Variants in ATAD3A observed in about 807,000 individuals in gnomAD.
ATAD3A encodes the protein ATPase family AAA domain containing 3A, also known as ATPase family AAA domain-containing protein 3A.
ATAD3A carries 46 observed loss-of-function variants against 73.8 expected under a neutral mutation model. That is an observed-to-expected ratio of 0.62 (90% confidence interval 0.49 to 0.80). ATAD3A has a LOEUF of 0.80. ATAD3A is among the 30% of genes least tolerant of loss of function. The pLI is 0.00. For missense variants in ATAD3A, 705 were observed against 838.0 expected, an observed-to-expected ratio of 0.84 and a Z score of 1.96; for synonymous variants, 319 against 350.0, an observed-to-expected ratio of 0.91 and a Z score of 0.99.
At position 1,520,700 on chromosome 1, in the gene ATAD3A, GC is replaced by G. The variant is rs1489621079; in HGVS notation, c.750+85del. On this transcript the variant is annotated intron_variant, in intron 7 of 15. Transcript: ENST00000378756. This position sits in a 1 kb window ranked among gnomAD's most constrained non-coding sequence, Gnocchi z 4.0. ...TCCTGGAGCCCCAGGTCCTGTCCCT[GC>G]CGGCTCTGCACAGCCCTGTAGCTCT... is the stretch of plus-strand genomic sequence containing the variant. 107 of 1,605,496 alleles carry G rather than the reference GC, an allele frequency of 6.7e-5. 1 individual carries two copies. The highest frequency in any genetic ancestry group is 1.8e-4 in the Middle Eastern group (1 of 5,448).
At chr1:1,533,080 G>A (rs1478116433) in intron 15 of ATAD3A, among the ~76,000 whole-genome samples, 1 of 152,230 alleles carries the variant, frequency 6.6e-6, no homozygotes. Flanking sequence ...CGACGGTGTT[G>A]TGGGAGGATG....
At chr1:1,530,516 A>G (rs1346296716) in intron 15 of ATAD3A, among the ~76,000 whole-genome samples, 1 of 150,402 alleles carries the variant, frequency 6.6e-6, no homozygotes, top group African/African-American at 2.5e-5. Context: ...TGGATTACAG[A>G]GCAAGACCCT....
In ATAD3A at chr1:1,520,960, G is replaced by A. The variant is rs1332279793; in HGVS notation, c.750+343G>A. ...GTTGCAGCTGCACTGAGCTGAGATCGCAGCACTGCACTCCATCCTGGGCGA... is the reference window on the plus strand; with the variant it reads ...GTTGCAGCTGCACTGAGCTGAGATCACAGCACTGCACTCCATCCTGGGCGA... On this transcript the variant is annotated intron_variant, in intron 7 of 15. Coordinates refer to ENST00000378756, the MANE Select transcript of ATAD3A (RefSeq NM_001170535.3). The surrounding 1 kb of genome is among the most constrained non-coding windows in gnomAD (Gnocchi z 4.0). Among the ~76,000 whole-genome samples, 8 of 151,988 alleles carry A rather than the reference G, an allele frequency of 5.3e-5. No individual in the cohort carries two copies. Among genetic ancestry groups the A allele is most frequent in the Admixed American group, 4.6e-4 (7 of 15,246 alleles).
intron 4 of ATAD3A, among the ~76,000 whole-genome samples, chr1:1,518,031 GCA>G (rs894870018): frequency 7.3e-5 from 11 of 151,610 alleles, no homozygotes; most frequent in South Asian, 6.3e-4. Context: ...CACACTCCCA[GCA>G]CACACAGACA....
Position 1,517,075 on chromosome 1 carries a change from C to A in ATAD3A, c.283-236C>A. The A allele has an allele frequency of 2.6e-6, 4 of 1,511,596 alleles. No individual in the cohort carries two copies. The Admixed American group carries it at 8.2e-5, about 31-fold the overall frequency. The allele number at this position is 1,511,596 out of a possible 1,614,324, so 93.6% of individuals were successfully genotyped here. On this transcript the variant is annotated intron_variant, in intron 2 of 15. Transcript: ENST00000378756. Reference sequence around the variant, plus strand: ...CTCAGTGCAGTCCAAAAGGGGGTGTCCGGCCTCCCTCCCGGGGGGCCTTCG... The same window carrying A: ...CTCAGTGCAGTCCAAAAGGGGGTGTACGGCCTCCCTCCCGGGGGGCCTTCG...
chr1:1,515,631 T>A (rs1641330243), intron 1 of ATAD3A, among the ~76,000 whole-genome samples: 1 of 152,196 alleles, frequency 6.6e-6, no homozygotes, highest in African/African-American at 2.4e-5. Context: ...ATGTGCTTGA[T>A]AGCAGATCAA....
At chr1:1,514,554 A>G (rs79468515) in intron 1 of ATAD3A, among the ~76,000 whole-genome samples, 6,139 of 136,110 alleles carry the variant, frequency 0.045, no homozygotes, top group East Asian at 0.22. Flanking sequence ...GAAATCTGAC[A>G]CTGATGCCCG....
intron 5 of ATAD3A, among the ~76,000 whole-genome samples, chr1:1,519,827 G>A (rs1017103380): frequency 6.6e-6 from 1 of 152,156 alleles, no homozygotes; most frequent in African/African-American, 2.4e-5. Flanking sequence ...TCGGATTTCT[G>A]CCCTAATCCA....
intron 8 of ATAD3A, 37 bp downstream of exon 8, chr1:1,522,936 C>T (rs942848939): frequency 6.3e-7 from 1 of 1,598,942 alleles, no homozygotes; most frequent in African/African-American, 1.4e-5. Context: ...GAGTGCAGTT[C>T]CTGGCTGAGT....
At chr1:1,533,398 A>ATGTG (rs1642101678) in intron 15 of ATAD3A, among the ~76,000 whole-genome samples, 1 of 152,224 alleles carries the variant, frequency 6.6e-6, no homozygotes, top group African/African-American at 2.4e-5. Flanking sequence ...CCACAGCCCC[A>ATGTG]GCAGCTCCAG....
Position 1,534,410 on chromosome 1 carries a change from G to T in ATAD3A, c.*338G>T, listed in dbSNP as rs939743524. On this transcript the variant is annotated 3_prime_UTR_variant, in exon 16 of 16. Coordinates refer to ENST00000378756, the MANE Select transcript of ATAD3A (RefSeq NM_001170535.3). Reference sequence around the variant, plus strand: ...GGGTGGGTGCTGGCTGAGCCCCCGGGGCAGCAGGAGCCAGGCAGGTGATGT... The same window carrying T: ...GGGTGGGTGCTGGCTGAGCCCCCGGTGCAGCAGGAGCCAGGCAGGTGATGT... 2.7e-5 allele frequency: 35 copies of T among 1,303,872 alleles called. No individual in the cohort carries two copies. The highest frequency in any genetic ancestry group is 3.5e-5 in the Admixed American group (1 of 28,632). 80.8% of individuals were successfully genotyped at this position (1,303,872 alleles called of 1,614,324 possible).
intron 4 of ATAD3A, among the ~76,000 whole-genome samples, chr1:1,518,621 ACCCCCCCC>A (rs148694040): frequency 2.6e-5 from 1 of 38,096 alleles, no homozygotes; most frequent in African/African-American, 1.9e-4. Flanking sequence ...GGGCGTACAC[ACCCCCCCC>A]CACAGGCACG....
chr1:1,527,161 C>G (rs1428201181), intron 13 of ATAD3A: 1 of 1,302,416 alleles, frequency 7.7e-7, no homozygotes, highest in East Asian at 5.6e-5. Flanking sequence ...GCCCCTCCAG[C>G]CCCAGTCACG....
chr1:1,527,226 G>T, intron 13 of ATAD3A: 1 of 1,300,612 alleles, frequency 7.7e-7, no homozygotes. Flanking sequence ...CCTCAGGCAC[G>T]TTGGGCTCCC....
chr1:1,524,395 C>G lies in ATAD3A; in HGVS notation c.1212C>G (p.Arg404=). 1 of 1,602,356 alleles carries G rather than the reference C, an allele frequency of 6.2e-7. No homozygotes were observed. The highest frequency in any genetic ancestry group is 2.3e-5 in the East Asian group (1 of 44,408). ...TTGACTGGGCCAATACCAGCCGGCG[C>G]GGGTGAGACGTCCCCACAGCATGCA... ...KLFDWANTSR[R]GLLLFVDEAD... is the part of the protein sequence containing the mutation. Residue 404 remains arginine, a splice_region_variant and synonymous_variant, in exon 11 of 16, where the codon CGC becomes CGG. Coordinates refer to ENST00000378756, the MANE Select transcript of ATAD3A (RefSeq NM_001170535.3).
chr1:1,533,209 G>C (rs547780084), intron 15 of ATAD3A, among the ~76,000 whole-genome samples: 31 of 152,318 alleles, frequency 2.0e-4, no homozygotes, highest in African/African-American at 7.5e-4. Flanking sequence ...GCTTCCTCCA[G>C]GTGTCCTGGT....
Position 1,517,394 on chromosome 1 carries a change from G to C in ATAD3A, c.366G>C (p.Glu122Asp). The C allele has an allele frequency of 6.6e-7, 1 of 1,526,004 alleles. No individual in the cohort carries two copies. Among genetic ancestry groups the C allele is most frequent in the East Asian group, 2.5e-5 (1 of 39,678 alleles). 94.5% of individuals were successfully genotyped at this position (1,526,004 alleles called of 1,614,324 possible). Residue 122 changes from glutamate to aspartate, a missense_variant, in exon 3 of 16, where the codon GAG (glutamate) becomes GAC (aspartate). Physicochemically the swap from Glu to Asp is conservative, Grantham distance 45 (BLOSUM62 2). Around this residue, in one of 5 missense-constraint regions of ATAD3A, gnomAD observed 125 missense variants for 170.6 expected, o/e 0.73. Coordinates refer to ENST00000378756, the MANE Select transcript of ATAD3A (RefSeq NM_001170535.3). The part of the protein sequence containing the change: ...AEERRKTLSE[E>D]TRQHQARAQY... ...AGAGGAGGAAGACCCTGAGCGAGGA[G>C]ACCCGGCAGCACCAGGCCGTAAGAG...
chr1:1,532,314 G>A (rs1195876512), intron 15 of ATAD3A, among the ~76,000 whole-genome samples: 3 of 152,162 alleles, frequency 2.0e-5, no homozygotes, highest in Non-Finnish European at 4.4e-5. Context: ...GGATGAGTGA[G>A]GAAATGTTCT....
At chr1:1,522,267 T>C (rs1313355601) in intron 7 of ATAD3A, among the ~76,000 whole-genome samples, 1 of 151,204 alleles carries the variant, frequency 6.6e-6, no homozygotes, top group African/African-American at 2.4e-5. Context: ...TCTTGAACTC[T>C]TGACCTCAGG....
Sources: gnomAD v4.1 joint callset for allele counts (sites outside exome capture counted in the v4.1 genomes callset) on GRCh38, gnomAD v4.1.1 for gene constraint, gnomAD v4.1.1 regional missense constraint, Gnocchi (gnomAD v3.1) non-coding constraint, MANE v1.5 for transcripts, NCBI Gene and HGNC (gene_info 2026-07-23, HGNC 2026-07-21) for gene names.